Variants in ABHD5 observed in about 807,000 individuals in gnomAD.
The protein encoded by ABHD5 is abhydrolase domain containing 5, lysophosphatidic acid acyltransferase, also known as 1-acylglycerol-3-phosphate O-acyltransferase ABHD5.
A neutral mutation model predicts 44.9 loss-of-function variants in ABHD5; 30 were observed. The ratio of observed to expected loss-of-function variants is 0.67; its 90% CI spans 0.50 to 0.91. The LOEUF (loss-of-function observed/expected upper bound fraction) is 0.91. Ranked by LOEUF, ABHD5 falls within the 40% of genes least tolerant of loss-of-function variation. The pLI is 0.00. For missense variants in ABHD5, 399 were observed against 423.4 expected (o/e 0.94, Z 0.50); for synonymous variants, 167 against 147.0 (o/e 1.14, Z -0.99).
intron 6 of ABHD5, 61 bp from the exon 7 acceptor site, chr3:43,718,382 A>T (rs924546499): frequency 5.1e-6 from 7 of 1,362,344 alleles, no homozygotes; most frequent in Non-Finnish European, 7.4e-6. Flanking sequence ...TTGCTTATAT[A>T]TCATTCTGTT....
In ABHD5 at chr3:43,732,042, G is replaced by C. The variant is rs555012646; in HGVS notation, c.*30-1838G>C. On this transcript the variant is annotated intron_variant, in intron 7 of 7. Coordinates refer to the ABHD5 transcript ENST00000454293. ...TTTAATTCAAAAAAGTGGTGAGTGC[G>C]AGACAAAACAAAAAATGATCCCAGT... Among the ~76,000 whole-genome samples, 4 of 152,038 alleles carry C rather than the reference G, an allele frequency of 2.6e-5. No homozygotes were observed. In the East Asian group the frequency reaches 7.7e-4, roughly 29 times the overall value.
chr3:43,733,079 G>A (rs1697265581), intron 7 of ABHD5, among the ~76,000 whole-genome samples: 1 of 152,236 alleles, frequency 6.6e-6, no homozygotes. Flanking sequence ...ACCTTGTGCA[G>A]TGTAATCATG....
upstream of ABHD5, chr3:43,690,892 TG>T: frequency 7.6e-7 from 1 of 1,321,838 alleles, no homozygotes; most frequent in Non-Finnish European, 1.0e-6. Flanking sequence ...ACGCATGCGC[TG>T]GCGGCCTGCG....
intron 1 of ABHD5, among the ~76,000 whole-genome samples, chr3:43,697,376 A>G (rs1290425106): frequency 6.6e-6 from 1 of 152,200 alleles, no homozygotes; most frequent in Non-Finnish European, 1.5e-5. Flanking sequence ...CTCTCTGGCA[A>G]ATAATTGTGA....
At chr3:43,701,920 T>C (rs941314083) in intron 2 of ABHD5, 7 of 297,990 alleles carry the variant, frequency 2.3e-5, no homozygotes, top group African/African-American at 1.3e-4. Flanking sequence ...AGGAGTATAA[T>C]ACCCTCATTT....
chr3:43,712,651 G>A (rs2084703197), intron 4 of ABHD5, among the ~76,000 whole-genome samples: 2 of 152,104 alleles, frequency 1.3e-5, no homozygotes, highest in South Asian at 4.1e-4. Flanking sequence ...TCCTTAATAA[G>A]CAATCTGGAG....
Position 43,702,491 on chromosome 3 carries a change from A to T in ABHD5, c.410A>T (p.Glu137Val). 1.2e-6 allele frequency: 2 copies of T among 1,614,232 alleles called. No individual in the cohort carries two copies. Among genetic ancestry groups the T allele is most frequent in the Non-Finnish European group, 1.7e-6 (2 of 1,180,038 alleles). ...AATCAGTTTGTGGAATCCATTGAAG[A>T]GTGGAGATGTGCCCTAGGATTGGAC... Reference protein sequence around the residue: ...VENQFVESIEEWRCALGLDKM... With the variant: ...VENQFVESIEVWRCALGLDKM... Residue 137 changes from glutamate (E) to valine (V), a missense_variant, in exon 3 of 7, where the codon GAG becomes GTG. Glu to Val is a moderately radical substitution (Grantham distance 121, BLOSUM62 -2). Coordinates refer to ENST00000644371, the MANE Select transcript of ABHD5 (RefSeq NM_016006.6).
At chr3:43,705,073 A>C (rs2084598078) in intron 3 of ABHD5, among the ~76,000 whole-genome samples, 1 of 152,236 alleles carries the variant, frequency 6.6e-6, no homozygotes, top group Non-Finnish European at 1.5e-5. Flanking sequence ...CCAGTCAGTC[A>C]GAACACCATG....
At chr3:43,691,063 T>A in intron 1 of ABHD5, 24 bp downstream of exon 1, 5 of 1,531,234 alleles carry the variant, frequency 3.3e-6, no homozygotes, top group Non-Finnish European at 4.4e-6. Flanking sequence ...GCAGGGGGCT[T>A]CGTGTGTCTC....
intron 3 of ABHD5, among the ~76,000 whole-genome samples, chr3:43,707,342 T>C (rs186269299): frequency 1.3e-5 from 2 of 152,350 alleles, no homozygotes; most frequent in East Asian, 3.9e-4. Flanking sequence ...TGAATACTTT[T>C]CTTTTGCCTG....
intron 3 of ABHD5, among the ~76,000 whole-genome samples, chr3:43,706,728 A>T (rs117186923): frequency 6.6e-6 from 1 of 152,210 alleles, no homozygotes; most frequent in African/African-American, 2.4e-5. Flanking sequence ...GATTACAGGC[A>T]TGAGACACCG....
intron 3 of ABHD5, among the ~76,000 whole-genome samples, chr3:43,709,273 A>G (rs1000836106): frequency 1.3e-5 from 2 of 151,924 alleles, no homozygotes; most frequent in Non-Finnish European, 2.9e-5. Context: ...GAATTGAGCA[A>G]TTGTAGGCAC....
chr3:43,714,947 G>A lies in ABHD5; in HGVS notation c.662G>A (p.Gly221Asp). 6.2e-7 allele frequency: 1 copy of A among 1,608,692 alleles called. No homozygotes were observed. The highest frequency in any genetic ancestry group is 8.5e-7 in the Non-Finnish European group (1 of 1,175,476). ...ATTTTTTAAATTTCCTGTTAAATAG[G>A]TTTAAGTCTAGTGCAGCGTTTAAGG... ...LAGLRIAGPFGLSLVQRLRPD... is the reference protein window; with the variant it reads ...LAGLRIAGPFDLSLVQRLRPD... The change falls in exon 5 of 7, where the codon GGT becomes GAT. Residue 221 changes from glycine to aspartate, a missense_variant and splice_region_variant. Physicochemically the swap from Gly to Asp is moderately conservative, Grantham distance 94 (BLOSUM62 -1). Coordinates refer to ENST00000644371, the MANE Select transcript of ABHD5 (RefSeq NM_016006.6).
Position 43,717,713 on chromosome 3 carries a change from G to T in ABHD5, c.816G>T (p.Trp272Cys). The T allele has an allele frequency of 6.2e-7, 1 of 1,614,124 alleles. No individual in the cohort carries two copies. The highest frequency in any genetic ancestry group is 1.3e-5 in the African/African-American group (1 of 75,036). ...AGAATATGACTATTCCTTATGGATG[G>T]GCAAAAAGGCCAATGCTCCAGCGAA... ...AFKNMTIPYG[W>C]AKRPMLQRIG... The change falls in exon 6 of 7, where the codon TGG (tryptophan) becomes TGT (cysteine). Residue 272 changes from tryptophan to cysteine, a missense_variant. Coordinates refer to ENST00000644371, the MANE Select transcript of ABHD5 (RefSeq NM_016006.6).
At chr3:43,691,642 C>A in intron 1 of ABHD5, 1 of 152,250 alleles carries the variant, frequency 6.6e-6, no homozygotes, top group Non-Finnish European at 1.5e-5. Context: ...GCGGGGGTGC[C>A]GGGAAGGAGG....
chr3:43,728,368 A>G (rs565907299), intron 7 of ABHD5, among the ~76,000 whole-genome samples: 16 of 152,376 alleles, frequency 1.1e-4, no homozygotes, highest in South Asian at 2.1e-4. Context: ...CTATGGGATA[A>G]GATTGATGAA....
intron 4 of ABHD5, among the ~76,000 whole-genome samples, chr3:43,712,238 C>T (rs2084698603): frequency 6.6e-6 from 1 of 152,124 alleles, no homozygotes; most frequent in African/African-American, 2.4e-5. Context: ...CTGGTGAGCA[C>T]TGGAGAGCGT....
chr3:43,700,268 C>A (rs1230261105), intron 2 of ABHD5, among the ~76,000 whole-genome samples: 1 of 151,494 alleles, frequency 6.6e-6, no homozygotes, highest in African/African-American at 2.4e-5. Flanking sequence ...CCTTTTTTTT[C>A]CTTCTTATGA....
At chr3:43,718,411 C>G in intron 6 of ABHD5, 32 bp from the exon 7 acceptor site, 1 of 1,563,258 alleles carries the variant, frequency 6.4e-7, no homozygotes, top group Non-Finnish European at 8.8e-7. Context: ...TGCTTTTACT[C>G]ACTAACTGTC....
Sources: gnomAD v4.1 joint callset for allele counts (sites outside exome capture counted in the v4.1 genomes callset) on GRCh38, gnomAD v4.1.1 for gene constraint, MANE v1.5 for transcripts, NCBI Gene and HGNC (gene_info 2026-07-23, HGNC 2026-07-21) for gene names.